CADPS2: variants seen among roughly 807,000 people sequenced by gnomAD.
CADPS2 encodes calcium dependent secretion activator 2, also known as calcium-dependent secretion activator 2.
A neutral mutation model predicts 172.5 loss-of-function variants in CADPS2; 93 were observed. That is an observed-to-expected ratio of 0.54 (90% CI 0.46 to 0.64). CADPS2 has a LOEUF of 0.64. CADPS2 is among the 30% of genes least tolerant of loss of function. The probability of loss-of-function intolerance (pLI) is 0.00; values close to 1 mark genes in which losing one functional copy is unlikely to be tolerated. For synonymous variants in CADPS2, 546 were observed against 555.2 expected (o/e 0.98, Z 0.23); for missense variants, 1,420 against 1,565.9 (o/e 0.91, Z 1.57).
At chr7:122,636,462 GTTTTTTT>G (rs66587423) in intron 3 of CADPS2, among the ~76,000 whole-genome samples, 2 of 100,190 alleles carry the variant, frequency 2.0e-5, no homozygotes, top group Non-Finnish European at 1.9e-5. Context: ...CACAAGAGAT[GTTTTTTT>G]TTTTTTTTTT....
chr7:122,659,467 C>A (rs1322180157), intron 3 of CADPS2, among the ~76,000 whole-genome samples: 1 of 151,936 alleles, frequency 6.6e-6, no homozygotes, highest in African/African-American at 2.4e-5. Flanking sequence ...GTTGAACAAA[C>A]AGAACGGACA....
chr7:122,461,244 G>A (rs547711065), intron 14 of CADPS2, among the ~76,000 whole-genome samples: 16 of 152,180 alleles, frequency 1.1e-4, no homozygotes, highest in Non-Finnish European at 1.9e-4. Flanking sequence ...AAGATAAAAT[G>A]CCTAGTACAT....
chr7:122,415,835 T>C (rs895905107), intron 18 of CADPS2, among the ~76,000 whole-genome samples: 2 of 152,164 alleles, frequency 1.3e-5, no homozygotes, highest in African/African-American at 2.4e-5. Context: ...CACAATTGCT[T>C]TGTAATATAT....
At chr7:122,668,916 A>T (rs1171841745) in intron 2 of CADPS2, among the ~76,000 whole-genome samples, 1 of 152,192 alleles carries the variant, frequency 6.6e-6, no homozygotes, top group African/African-American at 2.4e-5. Flanking sequence ...ACATCATCTG[A>T]CATGCATTTA....
At chr7:122,856,617 C>T (rs571791222) in intron 1 of CADPS2, among the ~76,000 whole-genome samples, 2 of 152,242 alleles carry the variant, frequency 1.3e-5, no homozygotes, top group South Asian at 2.1e-4. Context: ...AGAGCCCTCA[C>T]AATACTGGGG....
chr7:122,737,076 A>G lies in CADPS2; in HGVS notation c.340-8T>C. Reference sequence around the variant, plus strand: ...CAACTGTTGTTTGTTAAGCTACAAGAAAAAGAGAAAATAAGCAGATAAATT... The same window carrying G: ...CAACTGTTGTTTGTTAAGCTACAAGGAAAAGAGAAAATAAGCAGATAAATT... On this transcript the variant is annotated splice_region_variant and splice_polypyrimidine_tract_variant and intron_variant, in intron 1 of 29. Transcript: ENST00000449022. 6.7e-7 allele frequency: 1 copy of G among 1,486,372 alleles called. No homozygotes were observed. Among genetic ancestry groups the G allele is most frequent in the Non-Finnish European group, 9.4e-7 (1 of 1,066,442 alleles). 92.1% of individuals were successfully genotyped at this position (1,486,372 alleles called of 1,614,324 possible).
Position 122,886,419 on chromosome 7 carries a change from C to A in CADPS2, c.-82G>T. 4 of 1,418,136 alleles carry A rather than the reference C, an allele frequency of 2.8e-6. No individual in the cohort carries two copies. The highest frequency in any genetic ancestry group is 3.6e-6 in the Non-Finnish European group (4 of 1,099,110). 87.8% of individuals were successfully genotyped at this position (1,418,136 alleles called of 1,614,324 possible). ...GGCTGCGCCCGCGGGTCTGAGGGAGCCGCGGGGCTGGCTGCAGCGGCCGCA... is the reference window on the plus strand; with the variant it reads ...GGCTGCGCCCGCGGGTCTGAGGGAGACGCGGGGCTGGCTGCAGCGGCCGCA... On this transcript the variant is annotated 5_prime_UTR_variant, in exon 1 of 30. Transcript: ENST00000449022.
At chr7:122,688,073 A>T (rs1335369549) in intron 2 of CADPS2, among the ~76,000 whole-genome samples, 4 of 152,218 alleles carry the variant, frequency 2.6e-5, no homozygotes, top group African/African-American at 9.6e-5. Flanking sequence ...GAATGTCATT[A>T]TTATAACATA....
At chr7:122,455,511 G>A (rs1422319058) in intron 14 of CADPS2, among the ~76,000 whole-genome samples, 1 of 151,750 alleles carries the variant, frequency 6.6e-6, no homozygotes, top group East Asian at 1.9e-4. Flanking sequence ...TGCTTCCTTT[G>A]TAATGTATCT....
intron 1 of CADPS2, among the ~76,000 whole-genome samples, chr7:122,838,793 G>A (rs1354158535): frequency 6.6e-6 from 1 of 152,120 alleles, no homozygotes; most frequent in Non-Finnish European, 1.5e-5. Flanking sequence ...ACAAACAAAT[G>A]GAAGAAAATT....
chr7:122,551,900 C>A (rs1207013260), intron 8 of CADPS2, among the ~76,000 whole-genome samples: 5 of 152,124 alleles, frequency 3.3e-5, no homozygotes, highest in African/African-American at 1.2e-4. Context: ...CTTACTTTCT[C>A]TTCTTAAATG....
Position 122,388,756 on chromosome 7 carries a change from A to G in CADPS2, c.3009-18T>C. 6.3e-7 allele frequency: 1 copy of G among 1,586,702 alleles called. No homozygotes were observed. The highest frequency in any genetic ancestry group is 8.6e-7 in the Non-Finnish European group (1 of 1,161,924). ...AGCCATTGCTAGAAGAAAAAGGAAAAATGAACATCATGAACTCCCCGTTAA... is the reference window on the plus strand; with the variant it reads ...AGCCATTGCTAGAAGAAAAAGGAAAGATGAACATCATGAACTCCCCGTTAA... On this transcript the variant is annotated intron_variant, in intron 22 of 29. Coordinates refer to ENST00000449022, the MANE Select transcript of CADPS2 (RefSeq NM_017954.11).
chr7:122,566,680 T>C (rs1387570645), intron 7 of CADPS2, among the ~76,000 whole-genome samples: 1 of 152,168 alleles, frequency 6.6e-6, no homozygotes, highest in Non-Finnish European at 1.5e-5. Flanking sequence ...AGACTAAACA[T>C]ACTAGAACTT....
At chr7:122,712,232 C>T (rs114438830) in intron 2 of CADPS2, among the ~76,000 whole-genome samples, 2,680 of 152,082 alleles carry the variant, frequency 0.018, 78 homozygotes, top group African/African-American at 0.06. Flanking sequence ...TCGCTATGCT[C>T]CTTCATCTTC....
At chr7:122,564,448 A>G (rs2066142455) in intron 7 of CADPS2, among the ~76,000 whole-genome samples, 1 of 152,066 alleles carries the variant, frequency 6.6e-6, no homozygotes, top group Non-Finnish European at 1.5e-5. Context: ...AGCTGGGACT[A>G]CAGGTGCACA....
intron 20 of CADPS2, among the ~76,000 whole-genome samples, chr7:122,406,904 G>C (rs937495704): frequency 1.3e-4 from 20 of 152,110 alleles, no homozygotes; most frequent in African/African-American, 4.3e-4. Context: ...GAAAGGCCTA[G>C]GAATCCGTAT....
At chr7:122,622,110 A>C (rs1279679720) in intron 4 of CADPS2, among the ~76,000 whole-genome samples, 1 of 152,212 alleles carries the variant, frequency 6.6e-6, no homozygotes, top group Non-Finnish European at 1.5e-5. Flanking sequence ...TTCAGGACAC[A>C]CAGCTTTCCA....
chr7:122,645,041 T>C (rs534601319), intron 3 of CADPS2, among the ~76,000 whole-genome samples: 2 of 152,050 alleles, frequency 1.3e-5, no homozygotes, highest in East Asian at 1.9e-4. Context: ...GTTAATTAGA[T>C]ATAAAATTAC....
chr7:122,850,023 G>T, intron 1 of CADPS2: 1 of 967,128 alleles, frequency 1.0e-6, no homozygotes, highest in Non-Finnish European at 1.4e-6. Flanking sequence ...GGAACAGAAG[G>T]CCCTGCTGCA....
Sources: gnomAD v4.1 joint callset for allele counts (sites outside exome capture counted in the v4.1 genomes callset) on GRCh38, gnomAD v4.1.1 for gene constraint, MANE v1.5 for transcripts, NCBI Gene and HGNC (gene_info 2026-07-23, HGNC 2026-07-21) for gene names.